KLF12: variants seen among roughly 807,000 people sequenced by gnomAD.
The protein encoded by KLF12 is Krueppel-like factor 12.
Under a neutral mutation model 37.8 loss-of-function variants are expected in KLF12, and 9 were observed. That is an observed-to-expected ratio of 0.24 (90% CI 0.14 to 0.42). The LOEUF (loss-of-function observed/expected upper bound fraction) is 0.42, where lower values mean the gene tolerates loss of function less well. KLF12 is among the 10% of genes least tolerant of loss of function. The pLI is 1.00. For missense variants in KLF12, 411 were observed against 516.0 expected, an observed-to-expected ratio of 0.80 and a Z score of 1.97; for synonymous variants, 208 against 202.1, an observed-to-expected ratio of 1.03 and a Z score of -0.25.
chr13:73,791,459 T>C (rs1881684509), intron 5 of KLF12, among the ~76,000 whole-genome samples: 1 of 152,206 alleles, frequency 6.6e-6, no homozygotes, highest in Non-Finnish European at 1.5e-5. Flanking sequence ...AAAAAATATA[T>C]ATTGTCTTCT....
chr13:74,104,314 C>T lies in KLF12; in HGVS notation c.-32+29425G>A, dbSNP rs185815580. 2.0e-4 allele frequency among the ~76,000 whole-genome samples: 31 copies of T among 152,294 alleles called. No homozygotes were observed. The East Asian group carries it at 6.0e-3, about 29-fold the overall frequency. Reference sequence around the variant, plus strand: ...ACTGTGTTATCTGACATTTATTCAACCGTAACTGTACAGCTCGACATTTCT... The same window carrying T: ...ACTGTGTTATCTGACATTTATTCAATCGTAACTGTACAGCTCGACATTTCT... On this transcript the variant is annotated intron_variant, in intron 1 of 7. Coordinates refer to ENST00000377669, the MANE Select transcript of KLF12 (RefSeq NM_007249.5).
the KLF12 span, among the ~76,000 whole-genome samples, chr13:74,231,034 C>CT: frequency 4.0e-3 from 585 of 144,630 alleles, 2 homozygotes; most frequent in African/African-American, 7.1e-3. Context: ...AAGCTGCTAC[C>CT]TTTTTTTTTT....
rs71115621 is a variant in KLF12, at chr13:73,893,369, C to CTTT, written c.124-46999_124-46997dup. Among the ~76,000 whole-genome samples, 189 of 50,580 alleles carry CTTT rather than the reference C, an allele frequency of 3.7e-3. 3 individuals are homozygous for CTTT. Among genetic ancestry groups the CTTT allele is most frequent in the African/African-American group, 5.4e-3 (66 of 12,210 alleles). The allele number at this position is 50,580 out of a possible 152,430, so 33.2% of individuals were successfully genotyped here. A position where few individuals can be genotyped will look rare whatever the true frequency, so the allele number is the denominator to read the frequency against. ...GAATGCACTCAATCAACAATATTGA[C>CTTT]TTTTTTTTTTTTTTTTTTTTTTTTG... On this transcript the variant is annotated intron_variant, in intron 3 of 7. Coordinates refer to ENST00000377669, the MANE Select transcript of KLF12 (RefSeq NM_007249.5).
At chr13:74,070,122 T>C (rs1874143918) in intron 1 of KLF12, among the ~76,000 whole-genome samples, 1 of 152,182 alleles carries the variant, frequency 6.6e-6, no homozygotes, top group African/African-American at 2.4e-5. Context: ...GATGAAACTC[T>C]TTCAAATGCC....
chr13:74,216,096 G>T, the KLF12 span, among the ~76,000 whole-genome samples: 1 of 152,076 alleles, frequency 6.6e-6, no homozygotes, highest in African/African-American at 2.4e-5. Context: ...TGCCAGGCAG[G>T]CTCCCTTTTG....
At chr13:73,910,851 A>C (rs1170635780) in intron 3 of KLF12, among the ~76,000 whole-genome samples, 3 of 152,156 alleles carry the variant, frequency 2.0e-5, no homozygotes, top group African/African-American at 4.8e-5. Flanking sequence ...ATGAGTTATT[A>C]ATGGGTTATC....
At chr13:73,930,076 A>T (rs1258351921) in intron 3 of KLF12, among the ~76,000 whole-genome samples, 3 of 152,214 alleles carry the variant, frequency 2.0e-5, no homozygotes, top group Non-Finnish European at 4.4e-5. Context: ...GTCAGATTAT[A>T]TAGGTGCAAC....
chr13:73,771,116 G>A (rs1203992265), intron 5 of KLF12, among the ~76,000 whole-genome samples: 3 of 152,088 alleles, frequency 2.0e-5, no homozygotes. Flanking sequence ...ACTGTAAGAT[G>A]CCCTCCCTAA....
chr13:74,045,139 G>A (rs957900310), intron 1 of KLF12, among the ~76,000 whole-genome samples: 2 of 152,110 alleles, frequency 1.3e-5, no homozygotes, highest in African/African-American at 4.8e-5. Context: ...CCTTCCAAGA[G>A]AACAGTAATA....
intron 3 of KLF12, among the ~76,000 whole-genome samples, chr13:73,912,932 T>C (rs1407755455): frequency 7.3e-6 from 1 of 137,206 alleles, no homozygotes; most frequent in Admixed American, 7.0e-5. Flanking sequence ...CTCTCTCATA[T>C]CCTTCCCCTA....
At chr13:73,829,656 A>C (rs904262543) in intron 4 of KLF12, among the ~76,000 whole-genome samples, 18 of 152,184 alleles carry the variant, frequency 1.2e-4, no homozygotes, top group African/African-American at 4.1e-4. Context: ...TGAAACTTAC[A>C]AATATGCAAG....
At chr13:74,211,941 T>C in the KLF12 span, among the ~76,000 whole-genome samples, 1 of 152,216 alleles carries the variant, frequency 6.6e-6, no homozygotes, top group African/African-American at 2.4e-5. Context: ...CAAGGCCTTT[T>C]CTTTGGGTAA....
chr13:73,735,121 C>G (rs1877354318), intron 6 of KLF12, among the ~76,000 whole-genome samples: 1 of 116,296 alleles, frequency 8.6e-6, no homozygotes, highest in Non-Finnish European at 1.7e-5. Context: ...GTTCTCACCT[C>G]TACTATTAAA....
intron 1 of KLF12, among the ~76,000 whole-genome samples, chr13:74,113,919 G>A (rs759091718): frequency 6.6e-6 from 1 of 152,190 alleles, no homozygotes; most frequent in Non-Finnish European, 1.5e-5. Flanking sequence ...ATCAACATTA[G>A]AAGGAGTTTA....
rs1873755960 is a variant in KLF12 at position 73,690,526 on chromosome 13, A to G, written c.*4964T>C. 1 of 152,206 alleles carries G rather than the reference A, an allele frequency of 6.6e-6. No homozygotes were observed. Among genetic ancestry groups the G allele is most frequent in the African/African-American group, 2.4e-5 (1 of 41,454 alleles). The allele number at this position is 152,206 out of a possible 1,614,324, so 9.4% of individuals were successfully genotyped here. On this transcript the variant is annotated 3_prime_UTR_variant, in exon 8 of 8. Coordinates refer to ENST00000377669, the MANE Select transcript of KLF12 (RefSeq NM_007249.5). ...GCCCTTTTCAGGAAAAGACATTACT[A>G]GTTTGGAATCAGTTGTCTGCAACTT...
At chr13:74,297,721 A>G in the KLF12 span, among the ~76,000 whole-genome samples, 2 of 152,236 alleles carry the variant, frequency 1.3e-5, no homozygotes, top group Non-Finnish European at 2.9e-5. Flanking sequence ...GGCCCATGTT[A>G]TACAGAGATT....
chr13:74,224,035 T>C, the KLF12 span, among the ~76,000 whole-genome samples: 1 of 152,186 alleles, frequency 6.6e-6, no homozygotes, highest in Non-Finnish European at 1.5e-5. Flanking sequence ...GCTTCTCCTA[T>C]TGTGTATTTC....
chr13:73,987,961 A>G (rs1891871131), intron 2 of KLF12, among the ~76,000 whole-genome samples: 1 of 152,154 alleles, frequency 6.6e-6, no homozygotes, highest in African/African-American at 2.4e-5. Flanking sequence ...TCTGGCCGAA[A>G]TGTAAATCTT....
At chr13:73,888,558 T>C (rs1887345487) in intron 3 of KLF12, among the ~76,000 whole-genome samples, 1 of 152,206 alleles carries the variant, frequency 6.6e-6, no homozygotes, top group Non-Finnish European at 1.5e-5. Flanking sequence ...CTTTCATCTG[T>C]GTTAGTTAAA....
Sources: allele counts gnomAD v4.1 joint callset (sites outside exome capture counted in the v4.1 genomes callset), GRCh38; gene constraint gnomAD v4.1.1; transcripts MANE v1.5; gene names NCBI Gene and HGNC (gene_info 2026-07-23, HGNC 2026-07-21).